FDFT1: variants seen among roughly 807,000 people sequenced by gnomAD.
FDFT1 encodes farnesyl-diphosphate farnesyltransferase 1, also known as squalene synthase.
In FDFT1, 68 loss-of-function variants were observed where a neutral mutation model predicts 46.8. The ratio of observed to expected loss-of-function variants is 1.45; its 90% CI spans 1.19 to 1.78. FDFT1 has a LOEUF of 1.78. Ranked by LOEUF, FDFT1 falls within the 40% of genes most tolerant of loss-of-function variation. FDFT1 has a pLI of 0.00. For synonymous variants in FDFT1, 351 were observed against 185.1 expected (o/e 1.90, Z -7.28); for missense variants, 928 against 524.4 (o/e 1.77, Z -7.52).
In FDFT1 at chr8:11,831,545, T is replaced by G. The variant is rs199509756; in HGVS notation, c.907T>G (p.Cys303Gly). The G allele has an allele frequency of 3.1e-6, 5 of 1,614,166 alleles. No homozygotes were observed. Among genetic ancestry groups the G allele is most frequent in the Non-Finnish European group, 4.2e-6 (5 of 1,179,972 alleles). Reference sequence around the variant, plus strand: ...GATGGCCATTGCCACTTTGGCTGCCTGTTATAATAACCAGCAGGTGTTCAA... The same window carrying G: ...GATGGCCATTGCCACTTTGGCTGCCGGTTATAATAACCAGCAGGTGTTCAA... ...QVMAIATLAACYNNQQVFKGA... is the reference protein window; with the variant it reads ...QVMAIATLAAGYNNQQVFKGA... Residue 303 changes from cysteine to glycine, a missense_variant, in exon 7 of 8, where the codon TGT (cysteine) becomes GGT (glycine). Physicochemically the swap from Cys to Gly is radical, Grantham distance 159 (BLOSUM62 -3). Transcript: ENST00000220584.
chr8:11,837,238 GTTTGT>G (rs1440457560), intron 7 of FDFT1, among the ~76,000 whole-genome samples: 2 of 145,152 alleles, frequency 1.4e-5, no homozygotes, highest in Non-Finnish European at 2.9e-5. Flanking sequence ...TTTTGTTTTT[GTTTGT>G]TTTTTGAGAC....
chr8:11,827,871 C>T (rs148934360), intron 5 of FDFT1, among the ~76,000 whole-genome samples: 1 of 151,054 alleles, frequency 6.6e-6, no homozygotes, highest in Non-Finnish European at 1.5e-5. Flanking sequence ...GAGACCTTAT[C>T]TCTTAAAACA....
At chr8:11,805,471 C>T (rs1342934436) in intron 1 of FDFT1, among the ~76,000 whole-genome samples, 3 of 152,178 alleles carry the variant, frequency 2.0e-5, no homozygotes, top group Admixed American at 6.5e-5. Context: ...CAATCTAAAT[C>T]CTGTTATTTA....
intron 5 of FDFT1, among the ~76,000 whole-genome samples, chr8:11,828,619 G>C (rs1467563773): frequency 6.6e-6 from 1 of 152,262 alleles, no homozygotes; most frequent in Non-Finnish European, 1.5e-5. Context: ...CAGGAGCAGA[G>C]CCCTGCTCTT....
intron 3 of FDFT1, among the ~76,000 whole-genome samples, chr8:11,819,299 C>T (rs1161936806): frequency 1.3e-5 from 2 of 152,142 alleles, no homozygotes; most frequent in African/African-American, 4.8e-5. Context: ...TTCATTTCAA[C>T]GTTGGTGAAT....
At chr8:11,832,974 A>G (rs558518517) in intron 7 of FDFT1, among the ~76,000 whole-genome samples, 2 of 152,336 alleles carry the variant, frequency 1.3e-5, no homozygotes, top group South Asian at 4.1e-4. Context: ...ATTATACAAA[A>G]TAGCGATTTC....
At chr8:11,819,926 G>A (rs1392165656) in intron 3 of FDFT1, among the ~76,000 whole-genome samples, 3 of 152,086 alleles carry the variant, frequency 2.0e-5, no homozygotes, top group Admixed American at 6.6e-5. Context: ...GAGAAGAGGC[G>A]TTCTGTTTTT....
Position 11,838,413 on chromosome 8 carries a change from AC to A in FDFT1, c.1061del (p.Pro354HisfsTer23). The A allele has an allele frequency of 6.2e-7, 1 of 1,613,686 alleles. No homozygotes were observed. The highest frequency in any genetic ancestry group is 8.5e-7 in the Non-Finnish European group (1 of 1,179,774). The stretch of plus-strand genomic sequence containing the variant: ...ATTTATCATAGAATCCCCGACTCAG[AC>A]CCATCTTCTAGCAAAACAAGGCAGA... ...EEIYHRIPDS[D>X]PSSSKTRQII... is the part of the protein sequence containing the mutation. On this transcript the variant is annotated frameshift_variant, in exon 8 of 8. Transcript: ENST00000220584. LOFTEE classifies it high-confidence loss of function.
chr8:11,798,880 T>A (rs984992360), upstream of FDFT1, among the ~76,000 whole-genome samples: 3 of 152,198 alleles, frequency 2.0e-5, no homozygotes, highest in African/African-American at 7.2e-5. Flanking sequence ...TTTATCAATT[T>A]AGAAAGGGAG....
chr8:11,815,118 G>A (rs1808272499), intron 3 of FDFT1, among the ~76,000 whole-genome samples: 2 of 152,132 alleles, frequency 1.3e-5, no homozygotes, highest in African/African-American at 4.8e-5. Flanking sequence ...AACATGTAGT[G>A]TTTGGTTTTC....
upstream of FDFT1, chr8:11,802,627 C>G: frequency 6.7e-6 from 4 of 592,932 alleles, no homozygotes; most frequent in South Asian, 7.6e-5. Flanking sequence ...CGCCCGTCAG[C>G]CCACCCCACG....
Position 11,839,105 on chromosome 8 carries a change from T to G in FDFT1, c.*496T>G, listed in dbSNP as rs1450033922. 2 of 156,472 alleles carry G rather than the reference T, an allele frequency of 1.3e-5. No homozygotes were observed. Among genetic ancestry groups the G allele is most frequent in the African/African-American group, 4.8e-5 (2 of 41,454 alleles). The allele number at this position is 156,472 out of a possible 1,614,324, so 9.7% of individuals were successfully genotyped here. A position where few individuals can be genotyped will look rare whatever the true frequency, so the allele number is the denominator to read the frequency against. ...TTATGGTTTAGGTAACAGTTAGATG[T>G]TTCCTAAGAATGCAAACTGCCTTTT... On this transcript the variant is annotated 3_prime_UTR_variant, in exon 8 of 8. Coordinates refer to ENST00000220584, the MANE Select transcript of FDFT1 (RefSeq NM_004462.5).
chr8:11,827,959 T>G (rs1017775320), intron 5 of FDFT1, among the ~76,000 whole-genome samples: 6 of 152,060 alleles, frequency 3.9e-5, no homozygotes, highest in Admixed American at 6.5e-5. Context: ...CCCAGCACTT[T>G]GGGAAGCCCA....
chr8:11,824,568 C>G (rs547311069), intron 4 of FDFT1, among the ~76,000 whole-genome samples: 2 of 151,766 alleles, frequency 1.3e-5, no homozygotes, highest in South Asian at 4.2e-4. Flanking sequence ...ACTGGGACCA[C>G]TGGCCTGTGT....
chr8:11,834,502 C>T (rs1310069441), intron 7 of FDFT1, among the ~76,000 whole-genome samples: 3 of 152,190 alleles, frequency 2.0e-5, no homozygotes, highest in African/African-American at 7.2e-5. Flanking sequence ...CTCTTTGAGC[C>T]CCAGGTGCCT....
Position 11,826,060 on chromosome 8 carries a change from C to CTT in FDFT1, c.549_550dup (p.Ser184PhefsTer14), listed in dbSNP as rs1178042977. Reference sequence around the variant, plus strand: ...TGTTGCTGGGCTGGTCGGAATTGGCCTTTCCCGTCTTTTCTCAGCCTCAGA... The same window carrying CTT: ...TGTTGCTGGGCTGGTCGGAATTGGCCTTTTTCCCGTCTTTTCTCAGCCTCAGA... On this transcript the variant is annotated frameshift_variant, in exon 5 of 8. Transcript: ENST00000220584. LOFTEE classifies it high-confidence loss of function. The CTT allele has an allele frequency of 6.2e-7, 1 of 1,603,918 alleles. No homozygotes were observed. Among genetic ancestry groups the CTT allele is most frequent in the Non-Finnish European group, 8.5e-7 (1 of 1,172,200 alleles).
At chr8:11,810,258 A>G (rs1331428073) in intron 3 of FDFT1, among the ~76,000 whole-genome samples, 1 of 152,198 alleles carries the variant, frequency 6.6e-6, no homozygotes, top group Non-Finnish European at 1.5e-5. Context: ...AGTGTTGTGA[A>G]AGATTCTCAG....
At chr8:11,800,331 C>T (rs1225159394), upstream of FDFT1, among the ~76,000 whole-genome samples, 1 of 137,498 alleles carries the variant, frequency 7.3e-6, no homozygotes, top group East Asian at 3.0e-4. Flanking sequence ...GCCATTTTTA[C>T]TTCCTGCAGA....
At chr8:11,805,498 CTG>C (rs1806720505) in intron 1 of FDFT1, among the ~76,000 whole-genome samples, 1 of 152,184 alleles carries the variant, frequency 6.6e-6, no homozygotes, top group Non-Finnish European at 1.5e-5. Context: ...TATCTTAAGT[CTG>C]TTATTAAGTC....
Sources: gnomAD v4.1 joint callset for allele counts (sites outside exome capture counted in the v4.1 genomes callset) on GRCh38, gnomAD v4.1.1 for gene constraint, MANE v1.5 for transcripts, NCBI Gene and HGNC (gene_info 2026-07-23, HGNC 2026-07-21) for gene names.